Variants in SORBS2 observed in about 807,000 individuals in gnomAD.
The protein encoded by SORBS2 is sorbin and SH3 domain containing 2, also known as sorbin and SH3 domain-containing protein 2.
SORBS2 carries 46 observed loss-of-function variants against 97.7 expected under a neutral mutation model. The ratio of observed to expected loss-of-function variants is 0.47; its 90% CI spans 0.37 to 0.60. SORBS2 has a LOEUF of 0.60. Ranked by LOEUF, SORBS2 falls within the 20% of genes least tolerant of loss-of-function variation. The probability of loss-of-function intolerance (pLI) is 0.00; values close to 1 mark genes in which losing one functional copy is unlikely to be tolerated. For missense variants in SORBS2, 1,316 were observed against 1,282.3 expected, an observed-to-expected ratio of 1.03 and a Z score of -0.40; for synonymous variants, 476 against 473.4, an observed-to-expected ratio of 1.01 and a Z score of -0.07.
chr4:185,896,656 T>C (rs2099245180), intron 1 of SORBS2, among the ~76,000 whole-genome samples: 1 of 152,154 alleles, frequency 6.6e-6, no homozygotes, highest in Non-Finnish European at 1.5e-5. Context: ...CTTATTTCAA[T>C]TCACTGCTCT....
At chr4:185,849,932 G>A (rs939972544) in intron 1 of SORBS2, among the ~76,000 whole-genome samples, 1 of 152,144 alleles carries the variant, frequency 6.6e-6, no homozygotes, top group Non-Finnish European at 1.5e-5. Context: ...GAACAACTGG[G>A]GCAGAGGAGA....
chr4:185,592,795 G>C (rs1209566046), intron 13 of SORBS2: 2 of 152,216 alleles, frequency 1.3e-5, no homozygotes, highest in African/African-American at 2.4e-5. Context: ...CCTGGGTTTT[G>C]GCCTTCCAAA....
exon 15 of SORBS2, chr4:185,585,763 G>GACTT (rs2153346227): frequency 6.6e-6 from 1 of 152,322 alleles, no homozygotes; most frequent in South Asian, 2.1e-4. Flanking sequence ...GCATGCAGTT[G>GACTT]ACTTAATTTC....
intron 1 of SORBS2, among the ~76,000 whole-genome samples, chr4:185,955,524 T>C (rs1250250941): frequency 6.6e-6 from 1 of 152,206 alleles, no homozygotes; most frequent in Non-Finnish European, 1.5e-5. Flanking sequence ...ATGCCTCACC[T>C]AATGCAATAT....
intron 1 of SORBS2, among the ~76,000 whole-genome samples, chr4:185,653,845 T>A: frequency 6.6e-6 from 1 of 152,192 alleles, no homozygotes; most frequent in East Asian, 1.9e-4. Flanking sequence ...GGCAACAGGC[T>A]TGATGATTCT....
intron 1 of SORBS2, among the ~76,000 whole-genome samples, chr4:185,854,954 G>A (rs1051805541): frequency 3.3e-5 from 5 of 152,134 alleles, no homozygotes; most frequent in Middle Eastern, 3.4e-3. Context: ...CTTAAAATAA[G>A]AGCATTTTAT....
intron 2 of SORBS2, chr4:185,773,663 C>T (rs1366807276): frequency 6.6e-6 from 1 of 152,272 alleles, no homozygotes; most frequent in Non-Finnish European, 1.5e-5. Flanking sequence ...CATTCTACTC[C>T]TAACCTTCAA....
At chr4:185,627,070 G>A in intron 5 of SORBS2, 51 bp from the exon 18 acceptor site, 1 of 1,563,774 alleles carries the variant, frequency 6.4e-7, no homozygotes, top group Non-Finnish European at 8.8e-7. Flanking sequence ...AGGTTCGGGT[G>A]TGCACCAGAA....
At chr4:185,711,073 G>C (rs373173963) in intron 2 of SORBS2, among the ~76,000 whole-genome samples, 2 of 152,106 alleles carry the variant, frequency 1.3e-5, no homozygotes, top group Admixed American at 1.3e-4. Flanking sequence ...GGATTCAAGG[G>C]ACCCTCCCAC....
chr4:185,940,859 A>T (rs1005549191), intron 1 of SORBS2, among the ~76,000 whole-genome samples: 2 of 152,092 alleles, frequency 1.3e-5, no homozygotes, highest in African/African-American at 4.8e-5. Context: ...TGCACCCTTT[A>T]TTCTCTAACC....
intron 2 of SORBS2, 41 bp downstream of exon 11, chr4:185,651,742 TG>T: frequency 8.8e-7 from 1 of 1,136,588 alleles, no homozygotes; most frequent in Non-Finnish European, 1.3e-6. Context: ...CAAACATTGC[TG>T]AGCATAAAAT....
intron 2 of SORBS2, among the ~76,000 whole-genome samples, chr4:185,707,634 T>G (rs1371466092): frequency 6.6e-6 from 1 of 152,144 alleles, no homozygotes; most frequent in Non-Finnish European, 1.5e-5. Context: ...CTCATGTTCC[T>G]AATAAAGACA....
At chr4:185,620,923 CATAA>C (rs1446871519) in intron 7 of SORBS2, among the ~76,000 whole-genome samples, 8 of 152,210 alleles carry the variant, frequency 5.3e-5, no homozygotes, top group African/African-American at 1.7e-4. Flanking sequence ...TAAAGCAAAG[CATAA>C]ATAATCACAT....
At chr4:185,928,423 A>G (rs1368011074) in intron 1 of SORBS2, among the ~76,000 whole-genome samples, 1 of 152,124 alleles carries the variant, frequency 6.6e-6, no homozygotes. Context: ...AAAAGAAAAC[A>G]TATTTCTTCT....
At chr4:185,827,276 CCATCATCATCACCATCAT>C (rs2099201112) in intron 1 of SORBS2, among the ~76,000 whole-genome samples, 1 of 4,866 alleles carries the variant, frequency 2.1e-4, no homozygotes, top group South Asian at 3.2e-3. Context: ...ACCATCATCA[CCATCATCATCACCATCAT>C]CATCATCACC....
At chr4:185,731,856 CTCTCTCTCTCTATATATATATATATATA>C (rs1366598443) in intron 2 of SORBS2, among the ~76,000 whole-genome samples, 171 of 35,296 alleles carry the variant, frequency 4.8e-3, no homozygotes, top group African/African-American at 0.017. Context: ...CTCTCTCTCT[CTCTCTCTCTCTATATATATATATATATA>C]TATATATATA....
At chr4:185,841,188 A>G (rs546202417) in intron 1 of SORBS2, among the ~76,000 whole-genome samples, 1 of 152,316 alleles carries the variant, frequency 6.6e-6, no homozygotes, top group South Asian at 2.1e-4. Flanking sequence ...ACAAGCATTG[A>G]TGACTCTAAG....
At chr4:185,937,076 T>A (rs2099269299) in intron 1 of SORBS2, among the ~76,000 whole-genome samples, 1 of 152,234 alleles carries the variant, frequency 6.6e-6, no homozygotes, top group Admixed American at 6.5e-5. Context: ...ATTTCAACAA[T>A]GACATTGACT....
intron 13 of SORBS2, 125 bp from the exon 26 acceptor site, chr4:185,589,910 A>G: frequency 1.5e-6 from 1 of 647,486 alleles, no homozygotes; most frequent in Non-Finnish European, 2.8e-6. Flanking sequence ...GGGTGGTACA[A>G]GCCTGGTAAG....
Sources: gnomAD v4.1 joint callset for allele counts (sites outside exome capture counted in the v4.1 genomes callset) on GRCh38, gnomAD v4.1.1 for gene constraint, MANE v1.5 for transcripts, NCBI Gene and HGNC (gene_info 2026-07-23, HGNC 2026-07-21) for gene names.